MYCBP2: variants seen among roughly 807,000 people sequenced by gnomAD.
The protein encoded by MYCBP2 is MYC binding protein 2.
In MYCBP2, 120 loss-of-function variants were observed where a neutral mutation model predicts 525.3. The observed-to-expected ratio is 0.23, with a 90% CI of 0.20 to 0.27. The LOEUF (loss-of-function observed/expected upper bound fraction) is 0.27, where lower values mean the gene tolerates loss of function less well. Ranked by LOEUF, MYCBP2 falls within the 10% of genes least tolerant of loss-of-function variation. The pLI is 1.00. For missense variants in MYCBP2, 4,149 were observed against 5,657.1 expected (o/e 0.73, Z 8.55); for synonymous variants, 1,894 against 1,955.8 (o/e 0.97, Z 0.83).
intron 4 of MYCBP2, among the ~76,000 whole-genome samples, chr13:77,276,787 C>G: frequency 6.7e-6 from 1 of 148,636 alleles, no homozygotes; most frequent in East Asian, 2.0e-4. Flanking sequence ...CCACCTTAGC[C>G]TCTTGAGTAG....
At chr13:77,197,529 T>G (rs2061884726) in intron 26 of MYCBP2, among the ~76,000 whole-genome samples, 1 of 152,128 alleles carries the variant, frequency 6.6e-6, no homozygotes, top group Non-Finnish European at 1.5e-5. Context: ...ATCAAAGAAG[T>G]CTGAGTTGGA....
chr13:77,139,911 T>C lies in MYCBP2; in HGVS notation c.7518+136A>G. 3 of 554,376 alleles carry C rather than the reference T, an allele frequency of 5.4e-6. No individual in the cohort carries two copies. In the South Asian group the frequency reaches 8.4e-5, roughly 16 times the overall value. 34.3% of individuals were successfully genotyped at this position (554,376 alleles called of 1,614,324 possible). A position where few individuals can be genotyped will look rare whatever the true frequency, so the allele number is the denominator to read the frequency against. ...TGTTTGAAACTCAATGAACACATTC[T>C]ATAAAATAGTTTTAAAATATTTCCC... On this transcript the variant is annotated intron_variant, in intron 51 of 82. Coordinates refer to ENST00000544440, the MANE Select transcript of MYCBP2 (RefSeq NM_015057.5).
chr13:77,215,502 A>C (rs1238793258), intron 21 of MYCBP2, among the ~76,000 whole-genome samples: 2 of 152,236 alleles, frequency 1.3e-5, no homozygotes, highest in South Asian at 2.1e-4. Flanking sequence ...ATTCTTACTG[A>C]GGAAGAAAGT....
intron 15 of MYCBP2, among the ~76,000 whole-genome samples, chr13:77,247,279 C>T (rs2070209504): frequency 6.6e-6 from 1 of 152,016 alleles, no homozygotes; most frequent in Admixed American, 6.6e-5. Context: ...AAAGTCAACA[C>T]ACAAAAATCA....
chr13:77,196,583 C>T (rs1302380471), intron 26 of MYCBP2, among the ~76,000 whole-genome samples: 1 of 152,138 alleles, frequency 6.6e-6, no homozygotes, highest in East Asian at 1.9e-4. Flanking sequence ...ATAATATTTG[C>T]TCCCGAAGTG....
intron 34 of MYCBP2, among the ~76,000 whole-genome samples, chr13:77,178,480 A>G (rs1007523602): frequency 1.3e-5 from 2 of 152,258 alleles, no homozygotes; most frequent in Admixed American, 1.3e-4. Flanking sequence ...AAGATTGAAT[A>G]CTACGAATAT....
intron 28 of MYCBP2, 80 bp downstream of exon 28, chr13:77,191,599 G>A (rs764276259): frequency 2.0e-5 from 30 of 1,504,062 alleles, no homozygotes; most frequent in Admixed American, 7.7e-5. Flanking sequence ...GAATCCTGCT[G>A]AAAGTACTCT....
chr13:77,151,168 T>C (rs1010706794), intron 46 of MYCBP2, among the ~76,000 whole-genome samples: 4 of 152,178 alleles, frequency 2.6e-5, no homozygotes, highest in African/African-American at 7.2e-5. Context: ...CAAGGCCTCA[T>C]AGTTTTGGAA....
intron 47 of MYCBP2, among the ~76,000 whole-genome samples, chr13:77,149,829 T>C (rs758565952): frequency 6.6e-6 from 1 of 152,202 alleles, no homozygotes; most frequent in African/African-American, 2.4e-5. Flanking sequence ...TCTATCCTCA[T>C]TGACAACTCA....
At chr13:77,294,701 T>C (rs184632196) in intron 2 of MYCBP2, among the ~76,000 whole-genome samples, 277 of 152,304 alleles carry the variant, frequency 1.8e-3, no homozygotes, top group African/African-American at 6.4e-3. Flanking sequence ...GGAATGACTG[T>C]ATTTGTTAGA....
intron 3 of MYCBP2, among the ~76,000 whole-genome samples, chr13:77,283,412 CT>C (rs1398974240): frequency 6.6e-6 from 1 of 152,166 alleles, no homozygotes; most frequent in African/African-American, 2.4e-5. Context: ...CAAGACAATG[CT>C]TTCTTGAGGG....
chr13:77,251,935 C>T (rs1008766821), intron 14 of MYCBP2, among the ~76,000 whole-genome samples: 1 of 152,094 alleles, frequency 6.6e-6, no homozygotes, highest in African/African-American at 2.4e-5. Context: ...TTCATTCTTG[C>T]TCCCTCTGCC....
intron 18 of MYCBP2, 118 bp downstream of exon 18, chr13:77,233,038 C>T: frequency 1.2e-6 from 1 of 809,572 alleles, no homozygotes; most frequent in South Asian, 1.7e-5. Context: ...CCTCAGGCTA[C>T]ATCATGATAG....
chr13:77,177,592 G>A (rs78378439), intron 35 of MYCBP2, among the ~76,000 whole-genome samples, 156 bp downstream of exon 35: 13 of 152,170 alleles, frequency 8.5e-5, no homozygotes, highest in Admixed American at 3.3e-4. Context: ...AAAGAGCTGA[G>A]ATTACAGGTG....
intron 3 of MYCBP2, among the ~76,000 whole-genome samples, chr13:77,284,882 TGTGTCAAATAACTTCCA>T (rs1185822471): frequency 6.6e-6 from 1 of 152,182 alleles, no homozygotes; most frequent in African/African-American, 2.4e-5. Flanking sequence ...GAGGCACGGA[TGTGTCAAATAACTTCCA>T]GTGTCACATA....
intron 17 of MYCBP2, among the ~76,000 whole-genome samples, chr13:77,234,958 T>A (rs2067685997): frequency 6.6e-6 from 1 of 152,084 alleles, no homozygotes; most frequent in South Asian, 2.1e-4. Context: ...CTTTTTAGAA[T>A]CTTTTGATTT....
intron 29 of MYCBP2, 76 bp downstream of exon 29, chr13:77,190,176 C>G: frequency 1.2e-6 from 1 of 859,290 alleles, no homozygotes. Flanking sequence ...CCCTATTATG[C>G]CACGTTTTGT....
chr13:77,118,848 T>A (rs1399628052), intron 55 of MYCBP2, among the ~76,000 whole-genome samples: 1 of 152,206 alleles, frequency 6.6e-6, no homozygotes, highest in East Asian at 1.9e-4. Context: ...AATGAAGATT[T>A]AAGTAAATGA....
At position 77,315,122 on chromosome 13, in the gene MYCBP2, TCTAA is replaced by T. The variant is rs1390640981; in HGVS notation, c.302+11348_302+11351del. Among the ~76,000 whole-genome samples, 3 of 152,100 alleles carry T rather than the reference TCTAA, an allele frequency of 2.0e-5. No individual in the cohort carries two copies. In the East Asian group the frequency reaches 5.8e-4, roughly 29 times the overall value. ...TAATAACAGAAAATCTGAATAACGC[TCTAA>T]CTATTAAAGAACGTGAATTTGTCAA... On this transcript the variant is annotated intron_variant, in intron 1 of 82. Transcript: ENST00000544440.
Sources: allele counts gnomAD v4.1 joint callset (sites outside exome capture counted in the v4.1 genomes callset), GRCh38; gene constraint gnomAD v4.1.1; transcripts MANE v1.5; gene names NCBI Gene and HGNC (gene_info 2026-07-23, HGNC 2026-07-21).